Variants in TADA2A observed in about 807,000 individuals in gnomAD.
TADA2A encodes transcriptional adapter 2-alpha.
TADA2A carries 38 observed loss-of-function variants against 67.4 expected under a neutral mutation model. The observed-to-expected ratio is 0.56, with a 90% CI of 0.44 to 0.74. TADA2A has a LOEUF of 0.74. Ranked by LOEUF, TADA2A falls within the 30% of genes least tolerant of loss-of-function variation. The probability of loss-of-function intolerance (pLI) is 0.00; values close to 1 mark genes in which losing one functional copy is unlikely to be tolerated. For missense variants in TADA2A, 454 were observed against 547.0 expected (o/e 0.83, Z 1.70); for synonymous variants, 192 against 181.6 (o/e 1.06, Z -0.46).
intron 8 of TADA2A, among the ~76,000 whole-genome samples, chr17:37,455,898 G>A (rs549120277): frequency 1.5e-4 from 22 of 147,670 alleles, no homozygotes; most frequent in East Asian, 4.7e-4. Context: ...GGGCATATGC[G>A]GGAGTGATAG....
At chr17:37,412,102 T>C (rs1300635639) in intron 2 of TADA2A, among the ~76,000 whole-genome samples, 1 of 151,524 alleles carries the variant, frequency 6.6e-6, no homozygotes, top group African/African-American at 2.4e-5. Context: ...TCCCAGCTAC[T>C]TGGGAGGCTG....
rs969299287 is a variant in TADA2A at position 37,423,579 on chromosome 17, T to C, written c.96T>C (p.Ala32=). 5 of 1,613,466 alleles carry C rather than the reference T, an allele frequency of 3.1e-6. No homozygotes were observed. The highest frequency in any genetic ancestry group is 2.5e-6 in the Non-Finnish European group (3 of 1,179,896). The change falls in exon 3 of 16, where the codon GCT becomes GCC. Residue 32 remains alanine, a synonymous_variant. Coordinates refer to ENST00000615182, the MANE Select transcript of TADA2A (RefSeq NM_001166105.3). The part of the protein sequence containing the change: ...SYLMEPYIKC[A]ECGPPPFFLC... ...TCATGGAGCCTTATATCAAGTGTGC[T>C]GAATGTGGGCCACCTCCTTTTTTCC...
chr17:37,470,920 A>G (rs778457009), intron 13 of TADA2A, among the ~76,000 whole-genome samples, 174 bp from the exon 14 acceptor site: 1 of 152,102 alleles, frequency 6.6e-6, no homozygotes, highest in Non-Finnish European at 1.5e-5. Flanking sequence ...CTTCCTCAGA[A>G]CAGATTTTCT....
At chr17:37,431,578 CTT>C (rs59591200) in intron 4 of TADA2A, among the ~76,000 whole-genome samples, 62 of 138,540 alleles carry the variant, frequency 4.5e-4, no homozygotes, top group Admixed American at 5.8e-4. Flanking sequence ...TTTATCTTTT[CTT>C]TTTTTTTTTT....
At chr17:37,443,746 C>T (rs1471933246) in intron 7 of TADA2A, among the ~76,000 whole-genome samples, 1 of 152,102 alleles carries the variant, frequency 6.6e-6, no homozygotes, top group Non-Finnish European at 1.5e-5. Flanking sequence ...ATGAATACGC[C>T]TGTGTTCCAG....
intron 8 of TADA2A, among the ~76,000 whole-genome samples, chr17:37,455,628 G>T (rs2053370947): frequency 6.6e-6 from 1 of 152,086 alleles, no homozygotes; most frequent in Non-Finnish European, 1.5e-5. Context: ...TGACCCACCT[G>T]CCTCGGCCTC....
chr17:37,418,008 C>T (rs1450665116), intron 2 of TADA2A, among the ~76,000 whole-genome samples: 3 of 152,010 alleles, frequency 2.0e-5, no homozygotes, highest in Non-Finnish European at 4.4e-5. Flanking sequence ...TACTTGAACC[C>T]ATATGTTGAA....
At chr17:37,473,678 C>A (rs1429159944) in intron 14 of TADA2A, among the ~76,000 whole-genome samples, 2 of 152,154 alleles carry the variant, frequency 1.3e-5, no homozygotes, top group Non-Finnish European at 2.9e-5. Context: ...AAAAGTTTTG[C>A]TCATCAAGCT....
chr17:37,458,391 C>A, intron 8 of TADA2A, 133 bp from the exon 9 acceptor site: 1 of 411,184 alleles, frequency 2.4e-6, no homozygotes, highest in Non-Finnish European at 3.9e-6. Context: ...GTTTTCTAGA[C>A]TAGTGAGTGT....
intron 12 of TADA2A, among the ~76,000 whole-genome samples, chr17:37,468,656 T>G (rs1357280511): frequency 3.3e-5 from 5 of 151,758 alleles, no homozygotes; most frequent in African/African-American, 1.2e-4. Flanking sequence ...TGTGAGCAAC[T>G]GTGCCTGGCC....
At chr17:37,422,057 T>G (rs1244983891) in intron 2 of TADA2A, among the ~76,000 whole-genome samples, 1 of 143,738 alleles carries the variant, frequency 7.0e-6, no homozygotes, top group Non-Finnish European at 1.5e-5. Context: ...TTTTTTGTTT[T>G]TTTTTTGAGA....
rs187297407 is a variant in TADA2A, at chr17:37,470,091, T to G, written c.896-309T>G. On this transcript the variant is annotated intron_variant, in intron 12 of 15. Transcript: ENST00000615182. ...GAAGCAAATATGACTATAGTAAAAG[T>G]TGGTTACTTTTTGAGAGTGGAAATA... is the stretch of plus-strand genomic sequence containing the variant. Among the ~76,000 whole-genome samples, 154 of 152,198 alleles carry G rather than the reference T, an allele frequency of 1.0e-3. 1 individual carries two copies. The highest frequency in any genetic ancestry group is 3.3e-3 in the African/African-American group (137 of 41,514).
At chr17:37,432,384 C>T (rs1282687080) in intron 4 of TADA2A, among the ~76,000 whole-genome samples, 1 of 151,928 alleles carries the variant, frequency 6.6e-6, no homozygotes, top group Non-Finnish European at 1.5e-5. Context: ...CCAGATTGGT[C>T]TCGAACCCCT....
chr17:37,455,645 T>G (rs928866114), intron 8 of TADA2A, among the ~76,000 whole-genome samples: 3 of 152,224 alleles, frequency 2.0e-5, no homozygotes, highest in Non-Finnish European at 4.4e-5. Context: ...CCTCCCAAAG[T>G]GCTGGGATCA....
chr17:37,469,746 A>G (rs1389989063), intron 12 of TADA2A, among the ~76,000 whole-genome samples: 3 of 152,190 alleles, frequency 2.0e-5, no homozygotes, highest in Non-Finnish European at 2.9e-5. Context: ...ATTAACCTCT[A>G]AGATACTCTT....
rs559149336 is a variant in TADA2A at position 37,420,931 on chromosome 17, C to A, written c.26-2578C>A. 5.5e-5 allele frequency among the ~76,000 whole-genome samples: 8 copies of A among 146,546 alleles called. 2 individuals are homozygous for A. The highest frequency in any genetic ancestry group is 1.2e-4 in the African/African-American group (5 of 40,524). ...GCTAGGTTGCCGTGACTCCAGAGGCCGAATTTGGGGCAACCAGGGACACAT... is the reference window on the plus strand; with the variant it reads ...GCTAGGTTGCCGTGACTCCAGAGGCAGAATTTGGGGCAACCAGGGACACAT... On this transcript the variant is annotated intron_variant, in intron 2 of 15. Coordinates refer to ENST00000615182, the MANE Select transcript of TADA2A (RefSeq NM_001166105.3).
intron 12 of TADA2A, among the ~76,000 whole-genome samples, chr17:37,469,755 T>C (rs2053745547): frequency 6.6e-6 from 1 of 152,240 alleles, no homozygotes; most frequent in South Asian, 2.1e-4. Flanking sequence ...TAAGATACTC[T>C]TGTGGTATCC....
intron 2 of TADA2A, among the ~76,000 whole-genome samples, chr17:37,411,691 A>G (rs1172612013): frequency 6.6e-6 from 1 of 151,572 alleles, no homozygotes; most frequent in African/African-American, 2.4e-5. Flanking sequence ...CGGCCTCCCA[A>G]AGTGCTGGGA....
At chr17:37,410,600 AAG>A (rs890904158) in intron 1 of TADA2A, among the ~76,000 whole-genome samples, 2 of 152,296 alleles carry the variant, frequency 1.3e-5, no homozygotes, top group African/African-American at 4.8e-5. Context: ...AAGTTTATTA[AAG>A]AGAGAGAAAT....
Sources: gnomAD v4.1 joint callset for allele counts (sites outside exome capture counted in the v4.1 genomes callset) on GRCh38, gnomAD v4.1.1 for gene constraint, MANE v1.5 for transcripts, NCBI Gene and HGNC (gene_info 2026-07-23, HGNC 2026-07-21) for gene names.